MST1R: variants seen among roughly 807,000 people sequenced by gnomAD.
MST1R encodes the protein macrophage-stimulating protein receptor.
Under a neutral mutation model 117.8 loss-of-function variants are expected in MST1R, and 99 were observed. That is an observed-to-expected ratio of 0.84 (90% confidence interval 0.71 to 0.99). MST1R has a LOEUF of 0.99. Among genes scored for constraint, MST1R ranks in the 50% least tolerant of loss-of-function variants. The pLI is 0.00. For synonymous variants in MST1R, 734 were observed against 765.3 expected, an observed-to-expected ratio of 0.96 and a Z score of 0.68; for missense variants, 1,683 against 1,840.2, an observed-to-expected ratio of 0.91 and a Z score of 1.56.
In MST1R at chr3:49,896,044, A is replaced by G. The variant is rs2082459860; in HGVS notation, c.2713T>C (p.Cys905Arg). The change falls in exon 11 of 20, where the codon TGC becomes CGC. Residue 905 changes from cysteine to arginine, a missense_variant. Transcript: ENST00000296474. ...ATGTCCCCCCGGAACTCGTGCTGGC[A>G]GCTCTCACCACCCACGGTCACGTTG... ...GINVTVGGES[C>R]QHEFRGDMVV... 1.9e-6 allele frequency: 3 copies of G among 1,609,574 alleles called. No homozygotes were observed. Among genetic ancestry groups the G allele is most frequent in the Non-Finnish European group, 2.5e-6 (3 of 1,177,762 alleles).
rs1474138235 is a variant in MST1R at position 49,895,753 on chromosome 3, G to A, written c.2924C>T (p.Ala975Val). The A allele has an allele frequency of 3.1e-6, 5 of 1,613,274 alleles. No homozygotes were observed. The East Asian group carries it at 6.7e-5, about 22-fold the overall frequency. ...CCGCCACCAGTAGCTGAAGACCAGT[G>A]CAGTCGCCAGTGCAGCCACAAGCAG... ...LLLLVAALAT[A>V]LVFSYWWRRK... is the part of the protein sequence containing the mutation. The change falls in exon 12 of 20, where the codon GCA becomes GTA. Residue 975 changes from alanine (A) to valine (V), a missense_variant. By Grantham distance (64) the Ala-to-Val change is moderately conservative (BLOSUM62 0). Coordinates refer to ENST00000296474, the MANE Select transcript of MST1R (RefSeq NM_002447.4).
Position 49,903,697 on chromosome 3 carries a change from G to C in MST1R, c.-88C>G, listed in dbSNP as rs1421539013. On this transcript the variant is annotated 5_prime_UTR_variant, in exon 1 of 20. Coordinates refer to ENST00000296474, the MANE Select transcript of MST1R (RefSeq NM_002447.4). ...GGCTGGGGGCCCGACTCGAGGTCTG[G>C]ACTGGGCCAAATTTAAGCAGCGGTC... The C allele has an allele frequency of 6.7e-7, 1 of 1,485,502 alleles. No homozygotes were observed. The highest frequency in any genetic ancestry group is 1.4e-5 in the African/African-American group (1 of 71,156). 92.0% of individuals were successfully genotyped at this position (1,485,502 alleles called of 1,614,324 possible).
At position 49,898,139 on chromosome 3, in the gene MST1R, G is replaced by A; in HGVS notation, c.1792C>T (p.Pro598Ser). 2 of 1,614,064 alleles carry A rather than the reference G, an allele frequency of 1.2e-6. No homozygotes were observed. Among genetic ancestry groups the A allele is most frequent in the South Asian group, 1.1e-5 (1 of 91,080 alleles). Reference sequence around the variant, plus strand: ...GTTCCCTCAGGCACCAGACCAGAAGGGTGAAGGTAGAAGTTGGAGCCACAC... The same window carrying A: ...GTTCCCTCAGGCACCAGACCAGAAGAGTGAAGGTAGAAGTTGGAGCCACAC... Reference protein sequence around the residue: ...TLCGSNFYLHPSGLVPEGTHQ... With the variant: ...TLCGSNFYLHSSGLVPEGTHQ... Residue 598 changes from proline (P) to serine (S), a missense_variant, in exon 5 of 20, where the codon CCT becomes TCT. Physicochemically the swap from Pro to Ser is moderately conservative, Grantham distance 74. Coordinates refer to ENST00000296474, the MANE Select transcript of MST1R (RefSeq NM_002447.4).
chr3:49,897,440 A>T, intron 6 of MST1R, 24 bp from the exon 7 acceptor site: 1 of 1,611,460 alleles, frequency 6.2e-7, no homozygotes, highest in Non-Finnish European at 8.5e-7. Flanking sequence ...GAGGTGGCTT[A>T]GGCAGGTCCT....
At position 49,887,329 on chromosome 3, in the gene MST1R, G is replaced by C. The variant is rs2082191330; in HGVS notation, c.4181C>G (p.Ser1394Ter). 5.6e-6 allele frequency: 9 copies of C among 1,614,244 alleles called. No homozygotes were observed. Among genetic ancestry groups the C allele is most frequent in the East Asian group, 2.2e-5 (1 of 44,890 alleles). Residue 1394 changes from serine to a stop codon, truncating the protein, a stop_gained, in exon 20 of 20, where the codon TCA becomes TGA. Coordinates refer to ENST00000296474, the MANE Select transcript of MST1R (RefSeq NM_002447.4). LOFTEE classifies it high-confidence loss of function. ...AAGTCAAGTGGGCCGAGGAGGCTCT[G>C]AGAGTGGCCGGGGCCGGCGTACATT... ...PGNVRRPRPL[S>*]EPPRPT
At chr3:49,888,120 C>G (rs2082215239) in intron 19 of MST1R, among the ~76,000 whole-genome samples, 1 of 152,066 alleles carries the variant, frequency 6.6e-6, no homozygotes, top group African/African-American at 2.4e-5. Flanking sequence ...AGTGAAACCC[C>G]ATCTCTACTA....
Position 49,887,406 on chromosome 3 carries a change from C to T in MST1R, c.4104G>A (p.Ser1368=), listed in dbSNP as rs371877454. 244 of 1,614,094 alleles carry T rather than the reference C, an allele frequency of 1.5e-4. 1 individual carries two copies. The highest frequency in any genetic ancestry group is 1.9e-4 in the Non-Finnish European group (226 of 1,180,026). ...ATYMNLGPST[S]HEMNVRPEQP... is the part of the protein sequence containing the mutation. ...GTTCTGGACGCACATTCATCTCATG[C>T]GAGGTGCTGGGGCCCAAGTTCATGT... Residue 1368 remains serine, a synonymous_variant, in exon 20 of 20, where the codon TCG becomes TCA. Transcript: ENST00000296474.
rs1228545810 is a variant in MST1R, at chr3:49,891,803, CTATG to C, written c.3303_3306del (p.Tyr1101Ter). ...CATTGGATTCGATTCTGGGCCTGGT[CTATG>C]TATTCTCCGTGGTAGACAACTCCAA... On this transcript the variant is annotated frameshift_variant, in exon 15 of 20. Transcript: ENST00000296474. LOFTEE classifies it high-confidence loss of function. 16 of 1,614,128 alleles carry C rather than the reference CTATG, an allele frequency of 9.9e-6. No individual in the cohort carries two copies. Among genetic ancestry groups the C allele is most frequent in the Non-Finnish European group, 1.3e-5 (15 of 1,180,012 alleles).
Position 49,891,837 on chromosome 3 carries a change from G to C in MST1R, c.3273C>G (p.Gly1091=). ...CTCCGTGGTAGACAACTCCAAAGTG[G>C]CCTGGTGTGAGGTGCATAATGAGTC... ...VTHSDRVIGK[G]HFGVVYHGEY... The change falls in exon 15 of 20, where the codon GGC becomes GGG. Residue 1091 remains glycine, a splice_region_variant and synonymous_variant. Transcript: ENST00000296474. The C allele has an allele frequency of 6.2e-7, 1 of 1,614,142 alleles. No individual in the cohort carries two copies. Among genetic ancestry groups the C allele is most frequent in the Non-Finnish European group, 8.5e-7 (1 of 1,180,014 alleles).
intron 18 of MST1R, 99 bp from the exon 19 acceptor site, chr3:49,890,159 T>A: frequency 1.4e-6 from 2 of 1,424,276 alleles, no homozygotes; most frequent in Non-Finnish European, 1.9e-6. Flanking sequence ...CAGCTGGAAA[T>A]GGAAGACCCT....
Position 49,903,599 on chromosome 3 carries a change from A to C in MST1R, c.11T>G (p.Leu4Arg). The change falls in exon 1 of 20, where the codon CTC becomes CGC. Residue 4 changes from leucine to arginine, a missense_variant. Physicochemically the swap from Leu to Arg is moderately radical, Grantham distance 102 (BLOSUM62 -2). Transcript: ENST00000296474. MEL[L>R]PPLPQSFLLL... ...CAGGAAGGACTGAGGCAGCGGCGGG[A>C]GGAGCTCCATCGAGGCGAGCTGGGA... 6.4e-7 allele frequency: 1 copy of C among 1,562,400 alleles called. No individual in the cohort carries two copies. The highest frequency in any genetic ancestry group is 1.3e-5 in the African/African-American group (1 of 74,570).
chr3:49,887,517 T>A lies in MST1R; in HGVS notation c.3993A>T (p.Arg1331=). Reference sequence around the variant, plus strand: ...CCCCCACTAGTACTCTGAAGGTGGGTCGCACTGCTGGGTCTGCCTCCCAGC... The same window carrying A: ...CCCCCACTAGTACTCTGAAGGTGGGACGCACTGCTGGGTCTGCCTCCCAGC... ...QQCWEADPAV[R]PTFRVLVGEV... The change falls in exon 20 of 20, where the codon CGA becomes CGT. Residue 1331 remains arginine (R), a synonymous_variant. Transcript: ENST00000296474. 6.2e-7 allele frequency: 1 copy of A among 1,614,102 alleles called. No homozygotes were observed. The highest frequency in any genetic ancestry group is 8.5e-7 in the Non-Finnish European group (1 of 1,179,980).
At position 49,899,119 on chromosome 3, in the gene MST1R, C is replaced by T. The variant is rs771332656; in HGVS notation, c.1375G>A (p.Val459Ile). The change falls in exon 2 of 20, where the codon GTC (valine) becomes ATC (isoleucine). Residue 459 changes from valine (V) to isoleucine (I), a missense_variant. Transcript: ENST00000296474. ...ATTGTGCCCATGTGTGCCACTGTGA[C>T]GTTGTCAAGGCGTGTCACATACAAT... ...TALYVTRLDN[V>I]TVAHMGTMDG... The T allele has an allele frequency of 8.1e-6, 13 of 1,614,030 alleles. No individual in the cohort carries two copies. The highest frequency in any genetic ancestry group is 4.5e-5 in the East Asian group (2 of 44,904).
intron 1 of MST1R, among the ~76,000 whole-genome samples, chr3:49,901,758 G>A: frequency 7.4e-6 from 1 of 134,530 alleles, no homozygotes; most frequent in Non-Finnish European, 1.6e-5. Flanking sequence ...GTGGCTGGCA[G>A]AAGGATGGGG....
chr3:49,899,050 G>A (rs1343780771), intron 2 of MST1R, 25 bp downstream of exon 2: 2 of 1,614,008 alleles, frequency 1.2e-6, no homozygotes, highest in African/African-American at 2.7e-5. Flanking sequence ...CCCAGGGCTA[G>A]GGGACTGTGG....
Position 49,903,550 on chromosome 3 carries a change from C to T in MST1R, c.60G>A (p.Lys20=). ...SFLLLLLLPA[K]PAAGEDWQCP... is the part of the protein sequence containing the mutation. ...ACTGCCAGTCCTCGCCCGCCGCGGG[C>T]TTGGCAGGCAACAGCAGCAGCAACA... is the stretch of plus-strand genomic sequence containing the variant. Residue 20 remains lysine, a synonymous_variant, in exon 1 of 20, where the codon AAG becomes AAA. Transcript: ENST00000296474. 1.3e-6 allele frequency: 2 copies of T among 1,596,452 alleles called. No homozygotes were observed. Among genetic ancestry groups the T allele is most frequent in the Non-Finnish European group, 1.7e-6 (2 of 1,175,932 alleles).
chr3:49,891,785 T>C lies in MST1R; in HGVS notation c.3325A>G (p.Ile1109Val), dbSNP rs770925656. Residue 1109 changes from isoleucine (I) to valine (V), a missense_variant, in exon 15 of 20, where the codon ATC becomes GTC. By Grantham distance (29) the Ile-to-Val change is conservative. Coordinates refer to ENST00000296474, the MANE Select transcript of MST1R (RefSeq NM_002447.4). The part of the protein sequence containing the change: ...GEYIDQAQNR[I>V]QCAIKSLSRI... Reference sequence around the variant, plus strand: ...CTTAGTGACTTGATGGCACATTGGATTCGATTCTGGGCCTGGTCTATGTAT... The same window carrying C: ...CTTAGTGACTTGATGGCACATTGGACTCGATTCTGGGCCTGGTCTATGTAT... 2.5e-6 allele frequency: 4 copies of C among 1,614,092 alleles called. No individual in the cohort carries two copies. Among genetic ancestry groups the C allele is most frequent in the Middle Eastern group, 3.3e-4 (2 of 6,062 alleles).
chr3:49,894,175 A>G (rs2082399248), intron 14 of MST1R, among the ~76,000 whole-genome samples: 1 of 151,660 alleles, frequency 6.6e-6, no homozygotes, highest in South Asian at 2.1e-4. Context: ...AGATCGCGCC[A>G]TTGCACTCCA....
chr3:49,903,523 G>A lies in MST1R; in HGVS notation c.87C>T (p.Cys29=), dbSNP rs747665340. Residue 29 remains cysteine, a synonymous_variant, in exon 1 of 20, where the codon TGC becomes TGT. Transcript: ENST00000296474. ...GAGAGGCCGCGTAGGGGGTGCGCGG[G>A]CACTGCCAGTCCTCGCCCGCCGCGG... The part of the protein sequence containing the change: ...AKPAAGEDWQ[C]PRTPYAASRD... The A allele has an allele frequency of 1.1e-5, 17 of 1,606,608 alleles. No individual in the cohort carries two copies. Among genetic ancestry groups the A allele is most frequent in the Middle Eastern group, 1.6e-4 (1 of 6,080 alleles).
Sources: gnomAD v4.1 joint callset for allele counts (sites outside exome capture counted in the v4.1 genomes callset) on GRCh38, gnomAD v4.1.1 for gene constraint, MANE v1.5 for transcripts, NCBI Gene and HGNC (gene_info 2026-07-23, HGNC 2026-07-21) for gene names.